LMO7: variants seen among roughly 807,000 people sequenced by gnomAD.
The protein encoded by LMO7 is LIM domain only protein 7.
In LMO7, 120 loss-of-function variants were observed where a neutral mutation model predicts 206.5. The observed-to-expected ratio is 0.58, with a 90% CI of 0.50 to 0.68. LMO7 has a LOEUF of 0.68. Among genes scored for constraint, LMO7 ranks in the 30% least tolerant of loss-of-function variants. The pLI, the probability that LMO7 is intolerant of heterozygous loss-of-function variation, is 0.00. For missense variants in LMO7, 1,959 were observed against 1,957.9 expected, an observed-to-expected ratio of 1.00 and a Z score of -0.01; for synonymous variants, 706 against 681.5, an observed-to-expected ratio of 1.04 and a Z score of -0.56.
chr13:75,632,865 T>TTTTG (rs1593906043), upstream of LMO7, among the ~76,000 whole-genome samples: 2 of 135,876 alleles, frequency 1.5e-5, no homozygotes, highest in South Asian at 2.6e-4. Context: ...CTTAAAAGTT[T>TTTTG]TTTTTTTTTT....
intron 1 of LMO7, among the ~76,000 whole-genome samples, chr13:75,689,416 T>C (rs1458378839): frequency 6.6e-6 from 1 of 152,198 alleles, no homozygotes; most frequent in Non-Finnish European, 1.5e-5. Flanking sequence ...ATGAACATAC[T>C]CAATTTTTCC....
At chr13:75,660,315 C>G (rs1047107770) in intron 1 of LMO7, among the ~76,000 whole-genome samples, 11 of 152,180 alleles carry the variant, frequency 7.2e-5, no homozygotes, top group Non-Finnish European at 1.5e-4. Context: ...ATTTATCTTA[C>G]TGTAGCTTAT....
chr13:75,624,235 C>A (rs760817047), intron 2 of LMO7, among the ~76,000 whole-genome samples: 4 of 152,176 alleles, frequency 2.6e-5, no homozygotes, highest in Non-Finnish European at 4.4e-5. Context: ...TTCCACACTT[C>A]AGGAGAAAAT....
intron 1 of LMO7, among the ~76,000 whole-genome samples, chr13:75,706,402 G>C (rs2042656682): frequency 6.6e-6 from 1 of 152,058 alleles, no homozygotes; most frequent in East Asian, 1.9e-4. Flanking sequence ...ACAATTATAT[G>C]GTATAAGAGT....
intron 7 of LMO7, among the ~76,000 whole-genome samples, chr13:75,803,346 G>C (rs1001014564): frequency 1.3e-5 from 2 of 152,232 alleles, no homozygotes; most frequent in African/African-American, 4.8e-5. Flanking sequence ...CCTGCTGAGA[G>C]CTTGTAGCTG....
chr13:75,835,295 A>G lies in LMO7; in HGVS notation c.3289A>G (p.Asn1097Asp). Residue 1097 changes from asparagine (N) to aspartate (D), a missense_variant, in exon 18 of 31, where the codon AAT (asparagine) becomes GAT (aspartate). Coordinates refer to ENST00000377534, the MANE Select transcript of LMO7 (RefSeq NM_001306080.2). The stretch of plus-strand genomic sequence containing the variant: ...AATTTACAACTCAGAAAAATCTTCA[A>G]ATCTATCTGTAACAACTGATTTCTC... ...SGIYNSEKSS[N>D]LSVTTDFSES... 1 of 1,610,232 alleles carries G rather than the reference A, an allele frequency of 6.2e-7. No homozygotes were observed. Among genetic ancestry groups the G allele is most frequent in the Non-Finnish European group, 8.5e-7 (1 of 1,178,282 alleles).
Position 75,677,440 on chromosome 13 carries a change from A to T in LMO7, c.70-35742A>T, listed in dbSNP as rs147192009. Among the ~76,000 whole-genome samples, 10 of 152,324 alleles carry T rather than the reference A, an allele frequency of 6.6e-5. No individual in the cohort carries two copies. In the East Asian group the frequency reaches 1.7e-3, roughly 26 times the overall value. On this transcript the variant is annotated intron_variant, in intron 1 of 30. Coordinates refer to ENST00000377534, the MANE Select transcript of LMO7 (RefSeq NM_001306080.2). Reference sequence around the variant, plus strand: ...ATATTTGAGTACCTACTGGCTAAAAAAGCCAGTGACTTTTCTACGTGTTTG... The same window carrying T: ...ATATTTGAGTACCTACTGGCTAAAATAGCCAGTGACTTTTCTACGTGTTTG...
chr13:75,790,040 G>A (rs1165549932), intron 4 of LMO7, among the ~76,000 whole-genome samples: 2 of 152,136 alleles, frequency 1.3e-5, no homozygotes, highest in Admixed American at 6.5e-5. Context: ...CCACGCCAGT[G>A]TGCTTTGCCC....
chr13:75,757,495 C>T (rs1323072414), intron 3 of LMO7, among the ~76,000 whole-genome samples: 1 of 152,060 alleles, frequency 6.6e-6, no homozygotes, highest in African/African-American at 2.4e-5. Context: ...ATCTTTGTGG[C>T]TTCCCCATCC....
intron 25 of LMO7, 26 bp downstream of exon 25, chr13:75,842,942 T>G: frequency 7.6e-7 from 1 of 1,309,634 alleles, no homozygotes; most frequent in Non-Finnish European, 1.1e-6. Flanking sequence ...TATTGTAATT[T>G]AATTGATGAT....
Position 75,669,259 on chromosome 13 carries a change from G to C in LMO7, c.69+32533G>C, listed in dbSNP as rs192950659. Reference sequence around the variant, plus strand: ...CTCTGCATTGTGAGTGTGTGTGTAAGAGAGATTTCTGGGGAGAAGTCTCAT... The same window carrying C: ...CTCTGCATTGTGAGTGTGTGTGTAACAGAGATTTCTGGGGAGAAGTCTCAT... On this transcript the variant is annotated intron_variant, in intron 1 of 30. Coordinates refer to ENST00000377534, the MANE Select transcript of LMO7 (RefSeq NM_001306080.2). Among the ~76,000 whole-genome samples the C allele has an allele frequency of 5.3e-5, 8 of 152,318 alleles. 1 individual carries two copies. In the East Asian group the frequency reaches 1.4e-3, roughly 26 times the overall value.
At chr13:75,853,511 A>G in intron 28 of LMO7, 123 bp downstream of exon 28, 1 of 872,030 alleles carries the variant, frequency 1.1e-6, no homozygotes, top group Non-Finnish European at 1.7e-6. Flanking sequence ...AATGTGTCAA[A>G]TTTGGTATTC....
intron 1 of LMO7, among the ~76,000 whole-genome samples, chr13:75,691,865 C>A (rs1459283180): frequency 1.3e-5 from 2 of 152,098 alleles, no homozygotes; most frequent in Admixed American, 1.3e-4. Flanking sequence ...CCCACCCTAA[C>A]CCTGCCATCC....
At chr13:75,806,621 A>G (rs1390218789) in intron 9 of LMO7, 1 of 152,176 alleles carries the variant, frequency 6.6e-6, no homozygotes, top group African/African-American at 2.4e-5. Context: ...TCAGGTGGAG[A>G]CTGGGAAGGG....
rs1566286871 is a variant in LMO7 at position 75,663,436 on chromosome 13, T to TTTCTTTCTTTCTTTC, written c.69+26712_69+26713insCTTTCTTTCTTTCTT. On this transcript the variant is annotated intron_variant, in intron 1 of 30. Transcript: ENST00000377534. ...TCTTTCTTTCTTTCTTTCTTTCTTTTTTTTTTTTTTTTGAGACGGAGCCTC... is the reference window on the plus strand; with the variant it reads ...TCTTTCTTTCTTTCTTTCTTTCTTTTTTCTTTCTTTCTTTCTTTTTTTTTTTTGAGACGGAGCCTC... Among the ~76,000 whole-genome samples the TTTCTTTCTTTCTTTC allele has an allele frequency of 3.3e-4, 6 of 18,018 alleles. No individual in the cohort carries two copies. The East Asian group carries it at 3.5e-3, about 11-fold the overall frequency. The allele number at this position is 18,018 out of a possible 152,430, so 11.8% of individuals were successfully genotyped here. A position where few individuals can be genotyped will look rare whatever the true frequency, so the allele number is the denominator to read the frequency against.
chr13:75,781,719 G>T (rs1309200088), intron 4 of LMO7, among the ~76,000 whole-genome samples: 1 of 151,596 alleles, frequency 6.6e-6, no homozygotes, highest in Admixed American at 6.6e-5. Flanking sequence ...TTCCACAATG[G>T]TTGAACTAGT....
chr13:75,780,413 C>G (rs977646053), intron 4 of LMO7, among the ~76,000 whole-genome samples: 2 of 152,328 alleles, frequency 1.3e-5, no homozygotes, highest in African/African-American at 4.8e-5. Context: ...CAATATTTCT[C>G]TTATTCGTTT....
Position 75,835,334 on chromosome 13 carries a change from A to T in LMO7, c.3328A>T (p.Ser1110Cys). Reference sequence around the variant, plus strand: ...AACTGATTTCTCCGAAAGCCTTCAGAGTTCTGTGAGTATTTGGAGAAGTAG... The same window carrying T: ...AACTGATTTCTCCGAAAGCCTTCAGTGTTCTGTGAGTATTTGGAGAAGTAG... ...VTTDFSESLQ[S>C]SNIESKEING... The change falls in exon 18 of 31, where the codon AGT (serine) becomes TGT (cysteine). Residue 1110 changes from serine (S) to cysteine (C), a missense_variant. Ser to Cys is a moderately radical substitution (Grantham distance 112). Transcript: ENST00000377534. 6.3e-7 allele frequency: 1 copy of T among 1,593,756 alleles called. No individual in the cohort carries two copies. The highest frequency in any genetic ancestry group is 1.1e-5 in the South Asian group (1 of 88,020).
chr13:75,832,653 G>A (rs1400551885), intron 15 of LMO7, among the ~76,000 whole-genome samples: 1 of 152,140 alleles, frequency 6.6e-6, no homozygotes, highest in Non-Finnish European at 1.5e-5. Context: ...TTGGGAGTAG[G>A]TGTTTAAAAG....
Sources: allele counts gnomAD v4.1 joint callset (sites outside exome capture counted in the v4.1 genomes callset), GRCh38; gene constraint gnomAD v4.1.1; transcripts MANE v1.5; gene names NCBI Gene and HGNC (gene_info 2026-07-23, HGNC 2026-07-21).